LSAMP: variants seen among roughly 807,000 people sequenced by gnomAD.
The protein encoded by LSAMP is limbic system associated membrane protein.
In LSAMP, 7 loss-of-function variants were observed where a neutral mutation model predicts 38.6. The observed-to-expected ratio is 0.18, with a 90% CI of 0.10 to 0.34. LSAMP has a LOEUF of 0.34. Ranked by LOEUF, LSAMP falls within the 10% of genes least tolerant of loss-of-function variation. The pLI is 1.00. For missense variants in LSAMP, 313 were observed against 420.0 expected, an observed-to-expected ratio of 0.75 and a Z score of 2.23; for synonymous variants, 154 against 166.8, an observed-to-expected ratio of 0.92 and a Z score of 0.59.
chr3:115,887,007 A>G (rs901565598), intron 3 of LSAMP, among the ~76,000 whole-genome samples: 1 of 151,956 alleles, frequency 6.6e-6, no homozygotes, highest in African/African-American at 2.4e-5. Flanking sequence ...CCTAATATGA[A>G]ATGCTATGCC....
Position 116,209,912 on chromosome 3 carries a change from G to A in LSAMP, c.156-123356C>T, listed in dbSNP as rs111336151. On this transcript the variant is annotated intron_variant, in intron 1 of 6. Transcript: ENST00000490035. ...ACTACAGGCATCCGCCACCTCGCCC[G>A]GCAAAATTTTTTTTTGTATATTTAG... Among the ~76,000 whole-genome samples, 557 of 152,002 alleles carry A rather than the reference G, an allele frequency of 3.7e-3. 3 individuals are homozygous for A. The highest frequency in any genetic ancestry group is 0.012 in the African/African-American group (498 of 41,446).
intron 2 of LSAMP, among the ~76,000 whole-genome samples, chr3:116,039,089 G>A (rs1164889375): frequency 2.0e-5 from 3 of 152,184 alleles, no homozygotes; most frequent in East Asian, 1.9e-4. Flanking sequence ...CACAGGCATA[G>A]AGAATTAGAA....
At chr3:115,929,675 A>G (rs1937549710) in intron 3 of LSAMP, among the ~76,000 whole-genome samples, 1 of 152,200 alleles carries the variant, frequency 6.6e-6, no homozygotes, top group Admixed American at 6.5e-5. Context: ...TTTCCTACTC[A>G]TAAATGCTAT....
chr3:116,347,581 T>C (rs1473176069), intron 1 of LSAMP, among the ~76,000 whole-genome samples: 1 of 152,114 alleles, frequency 6.6e-6, no homozygotes, highest in Admixed American at 6.6e-5. Context: ...TTTAAAATAT[T>C]TAGATATATT....
At chr3:116,103,591 TG>T (rs1411410366) in intron 1 of LSAMP, among the ~76,000 whole-genome samples, 5 of 150,370 alleles carry the variant, frequency 3.3e-5, no homozygotes, top group Admixed American at 1.3e-4. Flanking sequence ...TTCTTTGCTT[TG>T]AGGACATGAG....
intron 3 of LSAMP, among the ~76,000 whole-genome samples, chr3:115,998,852 A>G (rs552617356): frequency 7.9e-5 from 12 of 152,046 alleles, no homozygotes; most frequent in Non-Finnish European, 1.3e-4. Context: ...GATAACATCT[A>G]TCTCCTCTTA....
intron 1 of LSAMP, among the ~76,000 whole-genome samples, chr3:116,273,809 TTCTTTC>T (rs1429191572): frequency 3.3e-4 from 29 of 87,482 alleles, no homozygotes; most frequent in South Asian, 1.0e-3. Context: ...CTCTTTTTCT[TTCTTTC>T]TCTCTCTCTC....
intron 1 of LSAMP, among the ~76,000 whole-genome samples, chr3:116,110,812 C>T (rs566876892): frequency 4.6e-5 from 7 of 152,212 alleles, no homozygotes; most frequent in South Asian, 2.1e-4. Context: ...CATGCGCGTC[C>T]GTGTGAAGAG....
chr3:115,864,715 C>T (rs1439456068), intron 3 of LSAMP, among the ~76,000 whole-genome samples: 1 of 152,088 alleles, frequency 6.6e-6, no homozygotes, highest in African/African-American at 2.4e-5. Context: ...TCCTAACCCT[C>T]CCAGCCTAAA....
intron 1 of LSAMP, among the ~76,000 whole-genome samples, chr3:116,243,748 C>T (rs2046569265): frequency 6.6e-6 from 1 of 152,162 alleles, no homozygotes; most frequent in Non-Finnish European, 1.5e-5. Flanking sequence ...TGTTACTGAA[C>T]TAAATGTCTA....
At chr3:116,279,131 T>C (rs948288780) in intron 1 of LSAMP, among the ~76,000 whole-genome samples, 2 of 152,204 alleles carry the variant, frequency 1.3e-5, no homozygotes, top group African/African-American at 4.8e-5. Context: ...TCCTACATTT[T>C]AAAAGTATGT....
intron 1 of LSAMP, among the ~76,000 whole-genome samples, chr3:116,296,988 G>A (rs2047344793): frequency 6.6e-6 from 1 of 152,138 alleles, no homozygotes; most frequent in South Asian, 2.1e-4. Flanking sequence ...GTCCTCATAG[G>A]ATTCTTTTCC....
Position 116,207,001 on chromosome 3 carries a change from G to A in LSAMP, c.156-120445C>T, listed in dbSNP as rs932302579. Among the ~76,000 whole-genome samples, 987 of 150,450 alleles carry A rather than the reference G, an allele frequency of 6.6e-3. 14 individuals carry two copies. Among genetic ancestry groups the A allele is most frequent in the African/African-American group, 0.023 (932 of 40,946 alleles). ...GTTGATCTGTCTAATGTTGACAGTGGGGTGTTAAAGTCTCCCATTATTAAT... is the reference window on the plus strand; with the variant it reads ...GTTGATCTGTCTAATGTTGACAGTGAGGTGTTAAAGTCTCCCATTATTAAT... On this transcript the variant is annotated intron_variant, in intron 1 of 6. Transcript: ENST00000490035.
At chr3:116,130,467 A>G (rs1377979831) in intron 1 of LSAMP, among the ~76,000 whole-genome samples, 1 of 152,250 alleles carries the variant, frequency 6.6e-6, no homozygotes, top group Non-Finnish European at 1.5e-5. Flanking sequence ...CCTGATTGGA[A>G]AAATATTAAG....
chr3:116,269,051 G>A (rs1267542824), intron 1 of LSAMP, among the ~76,000 whole-genome samples: 2 of 151,966 alleles, frequency 1.3e-5, no homozygotes, highest in African/African-American at 4.8e-5. Flanking sequence ...TCAGAAAGCT[G>A]CTGTATAGAA....
intron 1 of LSAMP, among the ~76,000 whole-genome samples, chr3:116,263,338 G>C (rs1002359576): frequency 1.3e-5 from 2 of 151,954 alleles, no homozygotes; most frequent in Non-Finnish European, 2.9e-5. Context: ...AGGAGTTGGA[G>C]ACCAGCCTGG....
intron 1 of LSAMP, among the ~76,000 whole-genome samples, chr3:116,163,439 T>G (rs377515835): frequency 4.0e-5 from 6 of 151,634 alleles, no homozygotes; most frequent in Non-Finnish European, 8.8e-5. Flanking sequence ...TATTCCATGG[T>G]GTATATGTGC....
At chr3:116,071,186 AAAG>A (rs1707597326) in intron 2 of LSAMP, among the ~76,000 whole-genome samples, 1 of 151,330 alleles carries the variant, frequency 6.6e-6, no homozygotes, top group Non-Finnish European at 1.5e-5. Context: ...TAAAGAAAAA[AAAG>A]AAGAGTATGA....
At chr3:116,069,163 G>T (rs1475511382) in intron 2 of LSAMP, among the ~76,000 whole-genome samples, 1 of 152,166 alleles carries the variant, frequency 6.6e-6, no homozygotes, top group Non-Finnish European at 1.5e-5. Flanking sequence ...AGGCCTGCAA[G>T]GTTCTGGGTA....
Sources: allele counts gnomAD v4.1 joint callset (sites outside exome capture counted in the v4.1 genomes callset), GRCh38; gene constraint gnomAD v4.1.1; transcripts MANE v1.5; gene names NCBI Gene and HGNC (gene_info 2026-07-23, HGNC 2026-07-21).